Variants in USH2A observed in about 807,000 individuals in gnomAD.
The protein encoded by USH2A is Usher syndrome 2A (autosomal recessive, mild).
In USH2A, 443 loss-of-function variants were observed where a neutral mutation model predicts 538.9. The observed-to-expected ratio is 0.82, with a 90% confidence interval of 0.76 to 0.89. The LOEUF is 0.89. Ranked by LOEUF, USH2A falls within the 40% of genes least tolerant of loss-of-function variation. The pLI, the probability that USH2A is intolerant of heterozygous loss-of-function variation, is 0.00. For missense variants in USH2A, 6,633 were observed against 6,324.8 expected, an observed-to-expected ratio of 1.05 and a Z score of -1.65; for synonymous variants, 2,413 against 2,273.5, an observed-to-expected ratio of 1.06 and a Z score of -1.75.
At chr1:215,703,627 C>G (rs1027863105) in intron 61 of USH2A, among the ~76,000 whole-genome samples, 7 of 152,248 alleles carry the variant, frequency 4.6e-5, no homozygotes, top group African/African-American at 1.4e-4. Flanking sequence ...GGAAAACCAC[C>G]TACTCAAGCC....
chr1:215,911,771 T>C (rs1665790760), intron 38 of USH2A, among the ~76,000 whole-genome samples: 1 of 152,138 alleles, frequency 6.6e-6, no homozygotes, highest in African/African-American at 2.4e-5. Context: ...TTTAGTTTTT[T>C]GAGAAACCTC....
intron 37 of USH2A, among the ~76,000 whole-genome samples, chr1:215,954,611 G>A (rs1667017072): frequency 6.6e-6 from 1 of 151,592 alleles, no homozygotes; most frequent in Non-Finnish European, 1.5e-5. Flanking sequence ...TATACCCAGT[G>A]TTAAATGACG....
At position 215,917,388 on chromosome 1, in the gene USH2A, A is replaced by G. The variant is rs141794419; in HGVS notation, c.7301-16483T>C. Reference sequence around the variant, plus strand: ...ATTGCTTGAGCCCTTTGTTTAAAGCATATCTTCAATTGGAAAAATAATTTA... The same window carrying G: ...ATTGCTTGAGCCCTTTGTTTAAAGCGTATCTTCAATTGGAAAAATAATTTA... On this transcript the variant is annotated intron_variant, in intron 38 of 71. Transcript: ENST00000307340. 3.9e-3 allele frequency among the ~76,000 whole-genome samples: 592 copies of G among 152,122 alleles called. 3 individuals are homozygous for G. Among genetic ancestry groups the G allele is most frequent in the African/African-American group, 0.014 (562 of 41,532 alleles).
In USH2A at chr1:215,661,312, T is replaced by G. The variant is rs190974220; in HGVS notation, c.14133+9660A>C. On this transcript the variant is annotated intron_variant, in intron 64 of 71. Coordinates refer to ENST00000307340, the MANE Select transcript of USH2A (RefSeq NM_206933.4). ...CTGGCTCCTTTCCATTAGGTTTTGA[T>G]CAAAGGGAAGAGAGAGTTCAGGTTC... Among the ~76,000 whole-genome samples the G allele has an allele frequency of 3.3e-4, 51 of 152,272 alleles. 1 individual carries two copies. The East Asian group carries it at 4.6e-3, about 14-fold the overall frequency.
Position 215,946,370 on chromosome 1 carries a change from G to T in USH2A, c.7121-11575C>A, listed in dbSNP as rs80021811. Reference sequence around the variant, plus strand: ...CATGGGACACTCAACAATATTCGAGGATAACAGGGATATTCAGGAGAGACA... The same window carrying T: ...CATGGGACACTCAACAATATTCGAGTATAACAGGGATATTCAGGAGAGACA... On this transcript the variant is annotated intron_variant, in intron 37 of 71. Coordinates refer to ENST00000307340, the MANE Select transcript of USH2A (RefSeq NM_206933.4). 9.4e-3 allele frequency among the ~76,000 whole-genome samples: 1,425 copies of T among 152,244 alleles called. 26 individuals carry two copies. Among genetic ancestry groups the T allele is most frequent in the African/African-American group, 0.033 (1,369 of 41,550 alleles).
intron 21 of USH2A, among the ~76,000 whole-genome samples, chr1:216,140,629 T>C (rs1217284516): frequency 6.6e-6 from 1 of 152,206 alleles, no homozygotes; most frequent in Non-Finnish European, 1.5e-5. Flanking sequence ...CATAAAACCT[T>C]GCTAAGGCCA....
chr1:215,791,839 T>C (rs1661991800), intron 50 of USH2A, among the ~76,000 whole-genome samples: 1 of 152,212 alleles, frequency 6.6e-6, no homozygotes. Context: ...TGTATGCATA[T>C]GTATGTGTAT....
intron 54 of USH2A, among the ~76,000 whole-genome samples, chr1:215,780,525 T>C (rs144450635): frequency 6.6e-6 from 1 of 152,306 alleles, no homozygotes; most frequent in African/African-American, 2.4e-5. Context: ...ACTCTTCCCA[T>C]GATACCTAGG....
At chr1:215,783,868 A>G (rs924725612) in intron 52 of USH2A, among the ~76,000 whole-genome samples, 2 of 152,156 alleles carry the variant, frequency 1.3e-5, no homozygotes, top group Non-Finnish European at 2.9e-5. Flanking sequence ...TTGGACGTGG[A>G]GTTAATTCTC....
chr1:216,396,882 T>G (rs1571778178), intron 3 of USH2A, among the ~76,000 whole-genome samples: 1 of 152,222 alleles, frequency 6.6e-6, no homozygotes, highest in African/African-American at 2.4e-5. Flanking sequence ...TTGTATTATC[T>G]CCGCCAGCTC....
intron 32 of USH2A, among the ~76,000 whole-genome samples, chr1:216,032,701 G>A (rs1669155899): frequency 1.3e-5 from 2 of 152,114 alleles, no homozygotes; most frequent in African/African-American, 4.8e-5. Flanking sequence ...TGAAGCATGA[G>A]GGGGACTGGA....
chr1:215,968,879 A>T (rs1667424566), intron 36 of USH2A, among the ~76,000 whole-genome samples: 1 of 152,196 alleles, frequency 6.6e-6, no homozygotes, highest in Admixed American at 6.5e-5. Flanking sequence ...AATTTTGTTG[A>T]GTATCACATC....
intron 38 of USH2A, among the ~76,000 whole-genome samples, chr1:215,922,164 A>G (rs1485200139): frequency 1.3e-5 from 2 of 152,156 alleles, no homozygotes; most frequent in African/African-American, 4.8e-5. Context: ...CCCAGAGGGG[A>G]AAGACTCAGG....
chr1:216,202,990 A>T (rs989166575), intron 16 of USH2A, among the ~76,000 whole-genome samples: 2 of 152,090 alleles, frequency 1.3e-5, no homozygotes, highest in African/African-American at 2.4e-5. Flanking sequence ...CAGTAAGGAG[A>T]ACTATTCCTT....
chr1:215,670,422 C>A (rs1276391329), intron 64 of USH2A, among the ~76,000 whole-genome samples: 1 of 152,180 alleles, frequency 6.6e-6, no homozygotes, highest in Non-Finnish European at 1.5e-5. Context: ...ACAGAATTCA[C>A]CATATTTTCT....
In USH2A at chr1:216,058,493, G is replaced by T. The variant is rs565318575; in HGVS notation, c.6050-9846C>A. On this transcript the variant is annotated intron_variant, in intron 30 of 71. Transcript: ENST00000307340. ...TATTTTCTGTTCTTTATAATTATCA[G>T]CATTGCAGCAGTATTGGCTTCCATT... Among the ~76,000 whole-genome samples the T allele has an allele frequency of 4.7e-5, 7 of 148,924 alleles. 1 individual carries two copies. The highest frequency in any genetic ancestry group is 1.0e-4 in the Non-Finnish European group (7 of 67,338).
intron 9 of USH2A, among the ~76,000 whole-genome samples, chr1:216,309,045 T>TA (rs1223506823): frequency 3.3e-5 from 5 of 152,258 alleles, no homozygotes; most frequent in South Asian, 2.1e-4. Context: ...TCTACAGTTT[T>TA]AAAAAAATAG....
At chr1:215,825,413 A>C (rs1027849862) in intron 47 of USH2A, among the ~76,000 whole-genome samples, 2 of 152,162 alleles carry the variant, frequency 1.3e-5, no homozygotes, top group Non-Finnish European at 2.9e-5. Flanking sequence ...AGTGTAGGGA[A>C]AATAATTTGA....
At chr1:216,020,596 T>C (rs912018161) in intron 32 of USH2A, among the ~76,000 whole-genome samples, 2 of 152,126 alleles carry the variant, frequency 1.3e-5, no homozygotes, top group Non-Finnish European at 2.9e-5. Context: ...TCTAATTAAG[T>C]GACTGTCAGA....
Sources: allele counts gnomAD v4.1 joint callset (sites outside exome capture counted in the v4.1 genomes callset), GRCh38; gene constraint gnomAD v4.1.1; transcripts MANE v1.5; gene names NCBI Gene and HGNC (gene_info 2026-07-23, HGNC 2026-07-21).